Variants in SEMA3B observed in about 807,000 individuals in gnomAD.
SEMA3B encodes semaphorin-3B.
In SEMA3B, 71 loss-of-function variants were observed where a neutral mutation model predicts 77.8. That is an observed-to-expected ratio of 0.91 (90% CI 0.75 to 1.11). The LOEUF (loss-of-function observed/expected upper bound fraction) is 1.11, where lower values mean the gene tolerates loss of function less well. Among genes scored for constraint, SEMA3B ranks in the 50% most tolerant of loss-of-function variants. SEMA3B has a pLI of 0.00. For synonymous variants in SEMA3B, 470 were observed against 452.9 expected, an observed-to-expected ratio of 1.04 and a Z score of -0.48; for missense variants, 968 against 1,056.8, an observed-to-expected ratio of 0.92 and a Z score of 1.17.
intron 6 of SEMA3B, 84 bp downstream of exon 6, chr3:50,271,564 C>T (rs1157394809): frequency 1.3e-6 from 2 of 1,531,946 alleles, no homozygotes; most frequent in Non-Finnish European, 1.8e-6. Flanking sequence ...AGTAAGTGAG[C>T]AGTGGGTGTG....
In SEMA3B at chr3:50,275,819, G is replaced by C; in HGVS notation, c.1820G>C (p.Arg607Pro). The change falls in exon 16 of 17, where the codon CGC (arginine) becomes CCC (proline). Residue 607 changes from arginine (R) to proline (P), a missense_variant. By Grantham distance (103) the Arg-to-Pro change is moderately radical (BLOSUM62 -2). Transcript: ENST00000616701. The surrounding 1 kb of genome is among the most constrained non-coding windows in gnomAD (Gnocchi z 7.5). ...GCGCGCGTGGAGTGGACTTTCCAGC[G>C]CGCAGGGGTGACAGCCCACACCCAG... ...LQARVEWTFQ[R>P]AGVTAHTQVL... The C allele has an allele frequency of 6.2e-7, 1 of 1,608,020 alleles. No individual in the cohort carries two copies. The highest frequency in any genetic ancestry group is 1.1e-5 in the South Asian group (1 of 90,774).
At chr3:50,272,481 C>T (rs1553705517) in intron 6 of SEMA3B, among the ~76,000 whole-genome samples, 2 of 151,982 alleles carry the variant, frequency 1.3e-5, no homozygotes, top group Non-Finnish European at 2.9e-5. Flanking sequence ...GAGGCTGAGG[C>T]GGGCGGATCA....
chr3:50,275,787 G>T lies in SEMA3B; in HGVS notation c.1788G>T (p.Ser596=). 1.2e-6 allele frequency: 2 copies of T among 1,612,234 alleles called. No individual in the cohort carries two copies. Among genetic ancestry groups the T allele is most frequent in the Non-Finnish European group, 1.7e-6 (2 of 1,179,764 alleles). Residue 596 remains serine (S), a synonymous_variant, in exon 16 of 17, where the codon TCG becomes TCT. Coordinates refer to ENST00000616701, the MANE Select transcript of SEMA3B (RefSeq NM_001290060.2). The surrounding 1 kb of genome is among the most constrained non-coding windows in gnomAD (Gnocchi z 7.5). ...CCTTTCTGGAGTGTGAGCCCCGCTC[G>T]CTGCAGGCGCGCGTGGAGTGGACTT... ...SSAFLECEPR[S]LQARVEWTFQ...
At position 50,273,433 on chromosome 3, in the gene SEMA3B, A is replaced by G. The variant is rs781927780; in HGVS notation, c.800A>G (p.Gln267Arg). The G allele has an allele frequency of 2.8e-5, 45 of 1,613,370 alleles. No individual in the cohort carries two copies. The South Asian group carries it at 4.8e-4, about 17-fold the overall frequency. Residue 267 changes from glutamine to arginine, a missense_variant, in exon 7 of 17, where the codon CAG (glutamine) becomes CGG (arginine). By Grantham distance (43) the Gln-to-Arg change is conservative. Transcript: ENST00000616701. This position sits in a 1 kb window ranked among gnomAD's most constrained non-coding sequence, Gnocchi z 6.5. ...LGRLSVSRVG[Q>R]ICRNDVGGQR... ...CGCCTGTCCGTGTCCCGCGTTGGCC[A>G]GATCTGCCGGGTGAGGAGTCCCTGG...
In SEMA3B at chr3:50,270,206, G is replaced by A; in HGVS notation, c.189G>A (p.Glu63=). ...CCYQALLVDE[E]RGRLFVGAEN... is the part of the protein sequence containing the mutation. ...ACCAGGCCTTGCTGGTGGATGAGGA[G>A]CGTGGACGCCTGTTTGTGGGTGCCG... The change falls in exon 2 of 17, where the codon GAG becomes GAA. Residue 63 remains glutamate, a synonymous_variant. Transcript: ENST00000616701. This position sits in a 1 kb window ranked among gnomAD's most constrained non-coding sequence, Gnocchi z 4.7. 1 of 1,607,980 alleles carries A rather than the reference G, an allele frequency of 6.2e-7. No individual in the cohort carries two copies. The highest frequency in any genetic ancestry group is 8.5e-7 in the Non-Finnish European group (1 of 1,177,736).
chr3:50,273,119 C>A lies in SEMA3B; in HGVS notation c.665-179C>A. ...GCGGCTGCTTCTTGCCTCGCAGGCC[C>A]TGATCCTTTGGATTCGGTCCGCGCA... On this transcript the variant is annotated intron_variant, in intron 6 of 16. Coordinates refer to ENST00000616701, the MANE Select transcript of SEMA3B (RefSeq NM_001290060.2). This position sits in a 1 kb window ranked among gnomAD's most constrained non-coding sequence, Gnocchi z 6.5. The A allele has an allele frequency of 9.7e-7, 1 of 1,032,550 alleles. No individual in the cohort carries two copies. Among genetic ancestry groups the A allele is most frequent in the Non-Finnish European group, 1.4e-6 (1 of 728,826 alleles). 64.0% of individuals were successfully genotyped at this position (1,032,550 alleles called of 1,614,324 possible).
At position 50,271,404 on chromosome 3, in the gene SEMA3B, A is replaced by G; in HGVS notation, c.588A>G (p.Arg196=). ...GGGTGGCAGCAGACCTCATGGGACGAGACTTTACCATCTTTCGCAGCCTAG... is the reference window on the plus strand; with the variant it reads ...GGGTGGCAGCAGACCTCATGGGACGGGACTTTACCATCTTTCGCAGCCTAG... The part of the protein sequence containing the change: ...YSGVAADLMG[R]DFTIFRSLGQ... The change falls in exon 6 of 17, where the codon CGA becomes CGG. Residue 196 remains arginine, a synonymous_variant. Transcript: ENST00000616701. 6.3e-7 allele frequency: 1 copy of G among 1,591,396 alleles called. No individual in the cohort carries two copies. Among genetic ancestry groups the G allele is most frequent in the South Asian group, 1.1e-5 (1 of 87,098 alleles).
chr3:50,268,944 G>A (rs1307862893), upstream of SEMA3B: 15 of 486,672 alleles, frequency 3.1e-5, no homozygotes, highest in South Asian at 4.6e-5. Context: ...GAAGGGTGAC[G>A]TGGTGAGGCG....
rs782786235 is a variant in SEMA3B, at chr3:50,270,923, G to A, written c.364G>A (p.Ala122Thr). ...CATGAACTTCGTGAAGTTGCTGCAT[G>A]CCTACAACCGCACCCATTTGCTGGC... is the stretch of plus-strand genomic sequence containing the variant. Reference protein sequence around the residue: ...ECMNFVKLLHAYNRTHLLACG... With the variant: ...ECMNFVKLLHTYNRTHLLACG... Residue 122 changes from alanine (A) to threonine (T), a missense_variant, in exon 4 of 17, where the codon GCC becomes ACC. By Grantham distance (58) the Ala-to-Thr change is moderately conservative (BLOSUM62 0). Coordinates refer to ENST00000616701, the MANE Select transcript of SEMA3B (RefSeq NM_001290060.2). The surrounding 1 kb of genome is among the most constrained non-coding windows in gnomAD (Gnocchi z 4.7). 1.2e-6 allele frequency: 2 copies of A among 1,611,086 alleles called. No homozygotes were observed. The highest frequency in any genetic ancestry group is 1.7e-6 in the Non-Finnish European group (2 of 1,178,690).
At position 50,276,303 on chromosome 3, in the gene SEMA3B, T is replaced by G; in HGVS notation, c.1847T>G (p.Val616Gly). ...QRAGVTAHTQ[V>G]LAEERTERTA... ...CCTCACGCTGCCCTCTGCCCGCAGG[T>G]GCTGGCAGAGGAGCGCACCGAGCGC... Residue 616 changes from valine (V) to glycine (G), a missense_variant and splice_region_variant, in exon 17 of 17, where the codon GTG (valine) becomes GGG (glycine). Coordinates refer to ENST00000616701, the MANE Select transcript of SEMA3B (RefSeq NM_001290060.2). The surrounding 1 kb of genome is among the most constrained non-coding windows in gnomAD (Gnocchi z 5.8). 5 of 1,501,770 alleles carry G rather than the reference T, an allele frequency of 3.3e-6. No individual in the cohort carries two copies. The highest frequency in any genetic ancestry group is 4.4e-6 in the Non-Finnish European group (5 of 1,128,224). 93.0% of individuals were successfully genotyped at this position (1,501,770 alleles called of 1,614,324 possible).
upstream of SEMA3B, among the ~76,000 whole-genome samples, chr3:50,264,247 G>A (rs1700867013): frequency 6.6e-6 from 1 of 152,088 alleles, no homozygotes; most frequent in Non-Finnish European, 1.5e-5. Context: ...GGGGTGAGGG[G>A]CACAGCAAAA....
Position 50,269,434 on chromosome 3 carries a change from G to A in SEMA3B, c.109+85G>A. The A allele has an allele frequency of 2.5e-6, 2 of 796,766 alleles. No homozygotes were observed. Among genetic ancestry groups the A allele is most frequent in the Non-Finnish European group, 3.9e-6 (2 of 518,634 alleles). The allele number at this position is 796,766 out of a possible 1,614,324, so 49.4% of individuals were successfully genotyped here. A position where few individuals can be genotyped will look rare whatever the true frequency, so the allele number is the denominator to read the frequency against. On this transcript the variant is annotated intron_variant, in intron 1 of 16. Transcript: ENST00000616701. The surrounding 1 kb of genome is among the most constrained non-coding windows in gnomAD (Gnocchi z 4.0). Reference sequence around the variant, plus strand: ...ATGGCCAGGGGGCTCTGTGTTGGCTGTTGCCCCATGTGCGTGCCTGTCACC... The same window carrying A: ...ATGGCCAGGGGGCTCTGTGTTGGCTATTGCCCCATGTGCGTGCCTGTCACC...
chr3:50,273,271 C>G lies in SEMA3B; in HGVS notation c.665-27C>G, dbSNP rs1031038328. On this transcript the variant is annotated intron_variant, in intron 6 of 16. Transcript: ENST00000616701. This position sits in a 1 kb window ranked among gnomAD's most constrained non-coding sequence, Gnocchi z 6.5. ...CATCAGGAGGCAAGGCCAGGACCCG[C>G]TGACCCATGCCTCCTGCCGCGGTCA... The G allele has an allele frequency of 6.2e-7, 1 of 1,606,626 alleles. No homozygotes were observed. The highest frequency in any genetic ancestry group is 8.5e-7 in the Non-Finnish European group (1 of 1,176,362).
chr3:50,270,880 A>G lies in SEMA3B; in HGVS notation c.331-10A>G, dbSNP rs1416945486. 2 of 1,592,328 alleles carry G rather than the reference A, an allele frequency of 1.3e-6. No homozygotes were observed. Among genetic ancestry groups the G allele is most frequent in the African/African-American group, 2.7e-5 (2 of 74,470 alleles). On this transcript the variant is annotated splice_polypyrimidine_tract_variant and intron_variant, in intron 3 of 16. Transcript: ENST00000616701. This position sits in a 1 kb window ranked among gnomAD's most constrained non-coding sequence, Gnocchi z 4.7. ...CCCTGGGGGAAGCCTCACACCTCCA[A>G]CCCTACTAGACTGAGTGCATGAACT...
chr3:50,271,551 T>C, intron 6 of SEMA3B, 71 bp downstream of exon 6: 1 of 1,543,344 alleles, frequency 6.5e-7, no homozygotes, highest in Non-Finnish European at 8.8e-7. Context: ...GCAAGGCCCA[T>C]AAAGTAAGTG....
chr3:50,270,715 C>A lies in SEMA3B; in HGVS notation c.331-175C>A. 1 of 1,221,484 alleles carries A rather than the reference C, an allele frequency of 8.2e-7. No homozygotes were observed. The highest frequency in any genetic ancestry group is 1.1e-6 in the Non-Finnish European group (1 of 888,752). The allele number at this position is 1,221,484 out of a possible 1,614,324, so 75.7% of individuals were successfully genotyped here. A position where few individuals can be genotyped will look rare whatever the true frequency, so the allele number is the denominator to read the frequency against. ...CTTTGCAGGCCTGTGCTTCCCCAGA[C>A]ACCCACCCTCGTGAGGCCTGGGCTG... On this transcript the variant is annotated intron_variant, in intron 3 of 16. Coordinates refer to ENST00000616701, the MANE Select transcript of SEMA3B (RefSeq NM_001290060.2). This position sits in a 1 kb window ranked among gnomAD's most constrained non-coding sequence, Gnocchi z 4.7.
rs1701013141 is a variant in SEMA3B at position 50,270,340 on chromosome 3, T to A, written c.267+56T>A. 7.5e-6 allele frequency: 12 copies of A among 1,608,924 alleles called. No individual in the cohort carries two copies. The highest frequency in any genetic ancestry group is 1.0e-5 in the Non-Finnish European group (12 of 1,176,138). ...CAGGGAAGGAGCCCTGGGACCCCAC[T>A]CCAGCCTGGAGAGACCCAGAGGAAT... On this transcript the variant is annotated intron_variant, in intron 2 of 16. Coordinates refer to ENST00000616701, the MANE Select transcript of SEMA3B (RefSeq NM_001290060.2). The surrounding 1 kb of genome is among the most constrained non-coding windows in gnomAD (Gnocchi z 4.7).
chr3:50,274,564 GTCC>G lies in SEMA3B; in HGVS notation c.1342_1344del (p.Leu448del). The G allele has an allele frequency of 4.5e-6, 7 of 1,542,486 alleles. No homozygotes were observed. Among genetic ancestry groups the G allele is most frequent in the Non-Finnish European group, 5.2e-6 (6 of 1,145,022 alleles). On this transcript the variant is annotated inframe_deletion, in exon 11 of 17. Transcript: ENST00000616701. The surrounding 1 kb of genome is among the most constrained non-coding windows in gnomAD (Gnocchi z 4.7). Reference sequence around the variant, plus strand: ...TGCAGCCGCTGACGGACACTATGACGTCCTCTTCATTGGCACAGGTCAGGGTCC... The same window carrying G: ...TGCAGCCGCTGACGGACACTATGACGTCTTCATTGGCACAGGTCAGGGTCC...
chr3:50,274,301 G>T lies in SEMA3B; in HGVS notation c.1138-62G>T. 1 of 1,334,194 alleles carries T rather than the reference G, an allele frequency of 7.5e-7. No individual in the cohort carries two copies. Among genetic ancestry groups the T allele is most frequent in the East Asian group, 2.4e-5 (1 of 41,052 alleles). The allele number at this position is 1,334,194 out of a possible 1,614,324, so 82.6% of individuals were successfully genotyped here. A position where few individuals can be genotyped will look rare whatever the true frequency, so the allele number is the denominator to read the frequency against. ...CATGTTCCCAGAGGCTGGGCATGGA[G>T]GGCTGCCTATCAAGCCCCCATATCT... On this transcript the variant is annotated intron_variant, in intron 10 of 16. Transcript: ENST00000616701. This position sits in a 1 kb window ranked among gnomAD's most constrained non-coding sequence, Gnocchi z 4.7.
Sources: gnomAD v4.1 joint callset for allele counts (sites outside exome capture counted in the v4.1 genomes callset) on GRCh38, gnomAD v4.1.1 for gene constraint, Gnocchi (gnomAD v3.1) non-coding constraint, MANE v1.5 for transcripts, NCBI Gene and HGNC (gene_info 2026-07-23, HGNC 2026-07-21) for gene names.